The following NRAP variants were observed in gnomAD, a reference collection of about 807,000 sequenced individuals.
The protein encoded by NRAP is nebulin-related-anchoring protein.
NRAP carries 189 observed loss-of-function variants against 225.9 expected under a neutral mutation model. That is an observed-to-expected ratio of 0.84 (90% CI 0.74 to 0.94). NRAP has a LOEUF of 0.94. Ranked by LOEUF, NRAP falls within the 40% of genes least tolerant of loss-of-function variation. NRAP has a pLI of 0.00. For missense variants in NRAP, 2,176 were observed against 2,168.7 expected (o/e 1.00, Z -0.07); for synonymous variants, 769 against 790.7 (o/e 0.97, Z 0.46).
In NRAP at chr10:113,588,846, A is replaced by G; in HGVS notation, c.*129T>C. ...TTCTCCATCTGCTTTCAGAGTTATT[A>G]TTTTAATAAAGGAAGATCTGGGATG... On this transcript the variant is annotated 3_prime_UTR_variant, in exon 42 of 42. Coordinates refer to ENST00000359988, the MANE Select transcript of NRAP (RefSeq NM_198060.4). The G allele has an allele frequency of 1.4e-6, 1 of 709,992 alleles. No individual in the cohort carries two copies. Among genetic ancestry groups the G allele is most frequent in the Non-Finnish European group, 2.5e-6 (1 of 398,818 alleles). The allele number at this position is 709,992 out of a possible 1,614,324, so 44.0% of individuals were successfully genotyped here.
intron 21 of NRAP, 43 bp from the exon 22 acceptor site, chr10:113,624,973 G>T (rs771948045): frequency 2.3e-5 from 29 of 1,259,788 alleles, no homozygotes; most frequent in Non-Finnish European, 3.1e-5. Flanking sequence ...TGGCAAGGGC[G>T]AGGTGGGCAG....
intron 22 of NRAP, 118 bp downstream of exon 22, chr10:113,624,705 AACC>A (rs1848187805): frequency 4.2e-6 from 3 of 711,826 alleles, no homozygotes; most frequent in Non-Finnish European, 7.5e-6. Context: ...TTTTTACAAC[AACC>A]AGATGTATGT....
chr10:113,616,095 C>A (rs541595953), intron 26 of NRAP, among the ~76,000 whole-genome samples: 1 of 152,136 alleles, frequency 6.6e-6, no homozygotes, highest in Non-Finnish European at 1.5e-5. Context: ...AATGAGAAAA[C>A]GAGGTTTACT....
Position 113,614,920 on chromosome 10 carries a change from T to C in NRAP, c.3105A>G (p.Lys1035=). ...TCAGTTTATAGCCACCATCTCGAAG[T>C]TTGCTCCAGGATTCCTTATAACGCG... ...SETRYKESWS[K]LRDGGYKLRL... is the part of the protein sequence containing the mutation. The change falls in exon 28 of 42, where the codon AAA becomes AAG. Residue 1035 remains lysine (K), a synonymous_variant. Transcript: ENST00000359988. 6.2e-7 allele frequency: 1 copy of C among 1,611,438 alleles called. No homozygotes were observed. The highest frequency in any genetic ancestry group is 1.7e-5 in the Admixed American group (1 of 60,014).
rs775679488 is a variant in NRAP, at chr10:113,629,790, A to C, written c.1843-5T>G. The C allele has an allele frequency of 1.9e-6, 3 of 1,603,282 alleles. No individual in the cohort carries two copies. In the South Asian group the frequency reaches 3.3e-5, roughly 18 times the overall value. On this transcript the variant is annotated splice_polypyrimidine_tract_variant and splice_region_variant and intron_variant, in intron 18 of 41. Coordinates refer to ENST00000359988, the MANE Select transcript of NRAP (RefSeq NM_198060.4). ...AAAGCCTTTCTTATATTCAACCTTGAATATACCAAAACAAGGCCCGTTTTG... is the reference window on the plus strand; with the variant it reads ...AAAGCCTTTCTTATATTCAACCTTGCATATACCAAAACAAGGCCCGTTTTG...
In NRAP at chr10:113,589,007, G is replaced by C. The variant is rs1482024495; in HGVS notation, c.5161C>G (p.His1721Asp). The part of the protein sequence containing the change: ...EVNPDATEIL[H>D]VKKKKALLL ...AGCAGGGCCTTCTTCTTTTTGACGT[G>C]CAGAATCTCAGTGGCATCTGGGTTC... Residue 1721 changes from histidine (H) to aspartate (D), a missense_variant, in exon 42 of 42, where the codon CAC (histidine) becomes GAC (aspartate). By Grantham distance (81) the His-to-Asp change is moderately conservative. Transcript: ENST00000359988. 1.2e-6 allele frequency: 2 copies of C among 1,613,894 alleles called. No individual in the cohort carries two copies. Among genetic ancestry groups the C allele is most frequent in the Admixed American group, 1.7e-5 (1 of 60,008 alleles).
At position 113,589,697 on chromosome 10, in the gene NRAP, T is replaced by C. The variant is rs774507330; in HGVS notation, c.5057A>G (p.Asn1686Ser). 74 of 1,614,010 alleles carry C rather than the reference T, an allele frequency of 4.6e-5. No individual in the cohort carries two copies. Among genetic ancestry groups the C allele is most frequent in the Admixed American group, 4.3e-4 (26 of 60,004 alleles). The change falls in exon 41 of 42, where the codon AAC (asparagine) becomes AGC (serine). Residue 1686 changes from asparagine (N) to serine (S), a missense_variant. Transcript: ENST00000359988. ...EMARRAAELA[N>S]ARGLGLQGAY... Reference sequence around the variant, plus strand: ...TCCCTGGAGACCCAGGCCCCTTGCGTTGGCCAGTTCCGCAGCCCGCCGAGC... The same window carrying C: ...TCCCTGGAGACCCAGGCCCCTTGCGCTGGCCAGTTCCGCAGCCCGCCGAGC...
intron 16 of NRAP, among the ~76,000 whole-genome samples, chr10:113,632,484 C>T (rs1363450729): frequency 6.6e-6 from 1 of 152,178 alleles, no homozygotes. Context: ...TTAAAGAGCT[C>T]ACCTACGGTT....
At chr10:113,641,899 T>A (rs1254900318) in intron 12 of NRAP, among the ~76,000 whole-genome samples, 1 of 152,190 alleles carries the variant, frequency 6.6e-6, no homozygotes, top group Non-Finnish European at 1.5e-5. Flanking sequence ...CATTTCTAAA[T>A]ATATGAAGGA....
chr10:113,595,973 C>T (rs796490270), intron 37 of NRAP, among the ~76,000 whole-genome samples: 3 of 152,268 alleles, frequency 2.0e-5, no homozygotes, highest in African/African-American at 7.2e-5. Flanking sequence ...AGATCTGCTC[C>T]AAATAAGCCA....
intron 33 of NRAP, 21 bp downstream of exon 33, chr10:113,606,157 T>C: frequency 6.4e-7 from 1 of 1,572,084 alleles, no homozygotes; most frequent in East Asian, 2.2e-5. Flanking sequence ...ATGCTTGAAC[T>C]TAAGTAACAA....
At chr10:113,662,543 C>T in intron 3 of NRAP, 136 bp downstream of exon 3, 1 of 649,420 alleles carries the variant, frequency 1.5e-6, no homozygotes, top group East Asian at 3.0e-5. Flanking sequence ...CCGCTTTGGC[C>T]TCCCAAAGTG....
rs1477915959 is a variant in NRAP at position 113,593,465 on chromosome 10, C to T, written c.4537-1164G>A. ...GTACTGCAGATCACACCACCTTCAC[C>T]TCCATCCTCGCCTCTGACTCCAACA... is the stretch of plus-strand genomic sequence containing the variant. On this transcript the variant is annotated intron_variant, in intron 38 of 41. Transcript: ENST00000359988. Among the ~76,000 whole-genome samples, 3 of 152,320 alleles carry T rather than the reference C, an allele frequency of 2.0e-5. 1 individual carries two copies. The highest frequency in any genetic ancestry group is 4.2e-4 in the South Asian group (2 of 4,814).
chr10:113,589,257 A>G, intron 41 of NRAP, 178 bp from the exon 42 acceptor site: 1 of 598,418 alleles, frequency 1.7e-6, no homozygotes, highest in Non-Finnish European at 2.9e-6. Context: ...GGAATGAGAA[A>G]GCAAAGCCAA....
chr10:113,605,015 A>G (rs1846867172), intron 34 of NRAP, 95 bp from the exon 35 acceptor site: 6 of 1,427,954 alleles, frequency 4.2e-6, no homozygotes, highest in Non-Finnish European at 2.8e-6. Context: ...GGTGATGATT[A>G]TAAGAAAAAC....
rs1564755691 is a variant in NRAP, at chr10:113,650,093, GA to G, written c.831del (p.Pro278GlnfsTer9). On this transcript the variant is annotated frameshift_variant, in exon 9 of 42. Transcript: ENST00000359988. LOFTEE classifies it high-confidence loss of function. The stretch of plus-strand genomic sequence containing the variant: ...AAGATGCCCTCAGCTCCAATGGCTG[GA>G]CCAGCCATTCCCCTCATTTCTTTTT... ...QYQKEMRGMA[G>X]PAIGAEGILT... 6.2e-7 allele frequency: 1 copy of G among 1,612,870 alleles called. No individual in the cohort carries two copies. The highest frequency in any genetic ancestry group is 1.7e-5 in the Admixed American group (1 of 60,020).
rs1047327560 is a variant in NRAP at position 113,614,077 on chromosome 10, C to G, written c.3300+106G>C. The G allele has an allele frequency of 4.0e-6, 3 of 753,722 alleles. No individual in the cohort carries two copies. In the African/African-American group the frequency reaches 5.2e-5, roughly 13 times the overall value. 46.7% of individuals were successfully genotyped at this position (753,722 alleles called of 1,614,324 possible). A position where few individuals can be genotyped will look rare whatever the true frequency, so the allele number is the denominator to read the frequency against. On this transcript the variant is annotated intron_variant, in intron 29 of 41. Transcript: ENST00000359988. Reference sequence around the variant, plus strand: ...ACAATGTCACGTAGCAAGTTAGCAACAGAACCAATACCCATGTCCAGAAGG... The same window carrying G: ...ACAATGTCACGTAGCAAGTTAGCAAGAGAACCAATACCCATGTCCAGAAGG...
intron 23 of NRAP, 62 bp from the exon 24 acceptor site, chr10:113,622,242 GA>G: frequency 1.8e-6 from 2 of 1,133,856 alleles, no homozygotes; most frequent in Non-Finnish European, 2.6e-6. Context: ...TTAGGCTTCA[GA>G]CTCCATGCAT....
Position 113,631,500 on chromosome 10 carries a change from A to C in NRAP, c.1842+9T>G. On this transcript the variant is annotated intron_variant, in intron 18 of 41. Transcript: ENST00000359988. ...TAAGTGAGAGGTTGGGGGTTAGAAA[A>C]GAGTTTACCTCACTGCTCATCTTAG... 6.4e-7 allele frequency: 1 copy of C among 1,562,810 alleles called. No individual in the cohort carries two copies. The highest frequency in any genetic ancestry group is 1.2e-5 in the South Asian group (1 of 86,052).
Sources: allele counts gnomAD v4.1 joint callset (sites outside exome capture counted in the v4.1 genomes callset), GRCh38; gene constraint gnomAD v4.1.1; transcripts MANE v1.5; gene names NCBI Gene and HGNC (gene_info 2026-07-23, HGNC 2026-07-21).